The following SHPK variants were observed in gnomAD, a reference collection of about 807,000 sequenced individuals.
SHPK encodes the protein carbohydrate kinase-like protein.
In SHPK, 51 loss-of-function variants were observed where a neutral mutation model predicts 46.3. That is an observed-to-expected ratio of 1.10 (90% confidence interval 0.88 to 1.39). The LOEUF is 1.39. SHPK is among the 40% of genes most tolerant of loss of function. The pLI is 0.00. For synonymous variants in SHPK, 290 were observed against 273.9 expected, an observed-to-expected ratio of 1.06 and a Z score of -0.58; for missense variants, 668 against 641.3, an observed-to-expected ratio of 1.04 and a Z score of -0.45.
chr17:3,628,795 T>A (rs2075453541), intron 2 of SHPK, among the ~76,000 whole-genome samples: 1 of 151,976 alleles, frequency 6.6e-6, no homozygotes, highest in Non-Finnish European at 1.5e-5. Flanking sequence ...ACTATAAACA[T>A]GTCGCACCAC....
At chr17:3,611,340 G>A (rs534427722) in intron 6 of SHPK, among the ~76,000 whole-genome samples, 13 of 152,290 alleles carry the variant, frequency 8.5e-5, no homozygotes, top group African/African-American at 2.6e-4. Flanking sequence ...AGGCCAAGGC[G>A]GGCAGATCAC....
Position 3,629,262 on chromosome 17 carries a change from C to T in SHPK, c.310+943G>A, listed in dbSNP as rs1179563456. On this transcript the variant is annotated intron_variant, in intron 2 of 6. Transcript: ENST00000225519. Reference sequence around the variant, plus strand: ...TCACCAGGTTGTTGGGAATATCCGACGAGATCATGCAACTGATGTCCTCAG... The same window carrying T: ...TCACCAGGTTGTTGGGAATATCCGATGAGATCATGCAACTGATGTCCTCAG... Among the ~76,000 whole-genome samples the T allele has an allele frequency of 3.9e-5, 6 of 152,138 alleles. No individual in the cohort carries two copies. The South Asian group carries it at 8.3e-4, about 21-fold the overall frequency.
rs767048270 is a variant in SHPK at position 3,615,374 on chromosome 17, C to T, written c.987G>A (p.Thr329=). Residue 329 remains threonine, a synonymous_variant, in exon 6 of 7, where the codon ACG becomes ACA. Coordinates refer to ENST00000225519, the MANE Select transcript of SHPK (RefSeq NM_013276.4). The stretch of plus-strand genomic sequence containing the variant: ...TCCACTGAACCAGCATGTGGACGAA[C>T]GTGGCCAGCACATTGCCCCCGTTGA... ...ASLNGGNVLA[T]FVHMLVQWMA... 18 of 1,614,090 alleles carry T rather than the reference C, an allele frequency of 1.1e-5. No homozygotes were observed. The highest frequency in any genetic ancestry group is 3.3e-5 in the Admixed American group (2 of 60,006).
intron 5 of SHPK, chr17:3,619,779 C>A: frequency 2.3e-6 from 1 of 434,472 alleles, no homozygotes; most frequent in South Asian, 1.8e-5. Flanking sequence ...TAGATGGCAT[C>A]TCTCTCTCAC....
At chr17:3,631,043 C>T (rs1229723124) in intron 1 of SHPK, among the ~76,000 whole-genome samples, 2 of 152,082 alleles carry the variant, frequency 1.3e-5, no homozygotes, top group African/African-American at 4.8e-5. Flanking sequence ...GCTGTCTTCC[C>T]CTCCTCGGAA....
At position 3,636,157 on chromosome 17, in the gene SHPK, C is replaced by A. The variant is rs2075524933; in HGVS notation, c.63G>T (p.Leu21=). The change falls in exon 1 of 7, where the codon CTG becomes CTT. Residue 21 remains leucine (L), a synonymous_variant. Transcript: ENST00000225519. The stretch of plus-strand genomic sequence containing the variant: ...ATGGGTCGTCGGGCGCGGCCCTCAG[C>A]AGAGCTGCCTTCACAGATGTGGTGC... ...DLGTTSVKAA[L]LRAAPDDPSG... is the part of the protein sequence containing the mutation. 1.9e-6 allele frequency: 3 copies of A among 1,612,130 alleles called. No homozygotes were observed. In the African/African-American group the frequency reaches 4.0e-5, roughly 22 times the overall value.
At chr17:3,611,076 T>C (rs2075336998) in intron 6 of SHPK, 104 bp from the exon 7 acceptor site, 3 of 1,074,792 alleles carry the variant, frequency 2.8e-6, no homozygotes, top group Admixed American at 2.5e-5. Flanking sequence ...ACTTGCTGCT[T>C]CTCCTCCCGC....
intron 1 of SHPK, among the ~76,000 whole-genome samples, chr17:3,631,483 A>G (rs538662276): frequency 1.3e-5 from 2 of 150,332 alleles, no homozygotes; most frequent in Admixed American, 1.3e-4. Flanking sequence ...ATTTAGTATG[A>G]CAAAAAATAT....
intron 1 of SHPK, among the ~76,000 whole-genome samples, chr17:3,631,273 G>A (rs1383413999): frequency 6.6e-6 from 1 of 151,758 alleles, no homozygotes; most frequent in Non-Finnish European, 1.5e-5. Flanking sequence ...GAAGACAAGA[G>A]GCACAGAGGA....
intron 2 of SHPK, 127 bp from the exon 3 acceptor site, chr17:3,624,358 C>T (rs1034517841): frequency 1.7e-5 from 14 of 843,724 alleles, no homozygotes; most frequent in Non-Finnish European, 2.6e-5. Flanking sequence ...GCCTGGCACA[C>T]CTATGGGTCC....
intron 2 of SHPK, among the ~76,000 whole-genome samples, chr17:3,624,737 TC>T (rs1405227946): frequency 6.6e-6 from 1 of 152,142 alleles, no homozygotes; most frequent in Non-Finnish European, 1.5e-5. Context: ...CACTGCAACC[TC>T]CATCTCCCAG....
At chr17:3,634,948 G>A (rs913375699) in intron 1 of SHPK, among the ~76,000 whole-genome samples, 2 of 151,992 alleles carry the variant, frequency 1.3e-5, no homozygotes, top group African/African-American at 2.4e-5. Context: ...GAAGTGGGCA[G>A]ATCACTTGAG....
intron 5 of SHPK, among the ~76,000 whole-genome samples, chr17:3,618,580 G>A (rs2075381175): frequency 6.6e-6 from 1 of 152,046 alleles, no homozygotes; most frequent in Admixed American, 6.6e-5. Flanking sequence ...AAGAGATCGA[G>A]ACCATCCTGG....
At chr17:3,623,993 C>G in intron 3 of SHPK, 55 bp downstream of exon 3, 1 of 1,522,886 alleles carries the variant, frequency 6.6e-7, no homozygotes. Context: ...CAGCCCCGGC[C>G]TATTCTCATT....
In SHPK at chr17:3,610,639, G is replaced by A. The variant is rs777285093; in HGVS notation, c.1358C>T (p.Ser453Phe). 1.9e-6 allele frequency: 3 copies of A among 1,613,948 alleles called. No individual in the cohort carries two copies. Among genetic ancestry groups the A allele is most frequent in the East Asian group, 2.2e-5 (1 of 44,886 alleles). The change falls in exon 7 of 7, where the codon TCC becomes TTC. Residue 453 changes from serine to phenylalanine, a missense_variant. Ser to Phe is a radical substitution (Grantham distance 155). Transcript: ENST00000225519. The stretch of plus-strand genomic sequence containing the variant: ...AGCTGCATCCACATCCTGCCCAAAG[G>A]ACATGGGCAAAGGGAAAGCCCTCTG... The part of the protein sequence containing the change: ...EVQRAFPLPM[S>F]FGQDVDAAVG...
At chr17:3,628,798 C>T (rs1400009551) in intron 2 of SHPK, among the ~76,000 whole-genome samples, 1 of 151,890 alleles carries the variant, frequency 6.6e-6, no homozygotes, top group Admixed American at 6.6e-5. Context: ...ATAAACATGT[C>T]GCACCACACC....
At chr17:3,613,955 G>A (rs1357248534) in intron 6 of SHPK, among the ~76,000 whole-genome samples, 2 of 152,192 alleles carry the variant, frequency 1.3e-5, no homozygotes, top group East Asian at 1.9e-4. Flanking sequence ...CTGAAGGAAG[G>A]TGCATACCAG....
intron 1 of SHPK, among the ~76,000 whole-genome samples, chr17:3,632,669 AAT>A (rs2075479972): frequency 6.6e-6 from 1 of 152,096 alleles, no homozygotes; most frequent in Admixed American, 6.5e-5. Flanking sequence ...CTTGGCTCAG[AAT>A]ATCAGTTGGT....
chr17:3,632,804 T>C (rs754100735), intron 1 of SHPK, among the ~76,000 whole-genome samples: 1 of 150,458 alleles, frequency 6.6e-6, no homozygotes, highest in Non-Finnish European at 1.5e-5. Context: ...GAAAAATAAA[T>C]ATAAACTGTG....
Sources: allele counts gnomAD v4.1 joint callset (sites outside exome capture counted in the v4.1 genomes callset), GRCh38; gene constraint gnomAD v4.1.1; transcripts MANE v1.5; gene names NCBI Gene and HGNC (gene_info 2026-07-23, HGNC 2026-07-21).